Variants in FLACC1 observed in about 807,000 individuals in gnomAD.
FLACC1 encodes the protein flagellum-associated coiled-coil domain-containing protein 1.
Under a neutral mutation model 62.8 loss-of-function variants are expected in FLACC1, and 66 were observed. The ratio of observed to expected loss-of-function variants is 1.05; its 90% CI spans 0.86 to 1.29. The LOEUF is 1.29. Among genes scored for constraint, FLACC1 ranks in the 50% most tolerant of loss-of-function variants. The probability of loss-of-function intolerance (pLI) is 0.00; values close to 1 mark genes in which losing one functional copy is unlikely to be tolerated. For missense variants in FLACC1, 452 were observed against 489.1 expected, an observed-to-expected ratio of 0.92 and a Z score of 0.71; for synonymous variants, 156 against 161.0, an observed-to-expected ratio of 0.97 and a Z score of 0.24.
chr2:201,344,393 C>A, intron 5 of FLACC1, 130 bp from the exon 6 acceptor site: 19 of 621,486 alleles, frequency 3.1e-5, no homozygotes, highest in East Asian at 6.6e-5. Flanking sequence ...TGCACCTGCT[C>A]TATCATTATG....
upstream of FLACC1, among the ~76,000 whole-genome samples, chr2:201,357,814 TA>T (rs983160269): frequency 6.8e-5 from 10 of 146,910 alleles, no homozygotes; most frequent in Non-Finnish European, 1.2e-4. Context: ...TTTTTTTTTT[TA>T]AATAAAGCTG....
intron 9 of FLACC1, among the ~76,000 whole-genome samples, chr2:201,323,742 G>T (rs1419424233): frequency 1.6e-5 from 2 of 125,044 alleles, no homozygotes; most frequent in African/African-American, 6.0e-5. Context: ...AGCCAAGATT[G>T]CAACATTGCA....
chr2:201,328,462 G>C (rs1375478754), intron 9 of FLACC1, among the ~76,000 whole-genome samples: 1 of 151,934 alleles, frequency 6.6e-6, no homozygotes, highest in African/African-American at 2.4e-5. Context: ...GTCTTGCTCT[G>C]TTGCCCAGGC....
Position 201,350,857 on chromosome 2 carries a change from G to C in FLACC1, c.114-75C>G, listed in dbSNP as rs1951014597. 5.3e-6 allele frequency: 7 copies of C among 1,333,090 alleles called. No individual in the cohort carries two copies. The South Asian group carries it at 8.5e-5, about 16-fold the overall frequency. The allele number at this position is 1,333,090 out of a possible 1,614,324, so 82.6% of individuals were successfully genotyped here. A position where few individuals can be genotyped will look rare whatever the true frequency, so the allele number is the denominator to read the frequency against. On this transcript the variant is annotated intron_variant, in intron 2 of 14. Coordinates refer to ENST00000392257, the MANE Select transcript of FLACC1 (RefSeq NM_001127391.3). ...ACCCTTTTTAACACTCCCAGATTAAGTACATCCCTATAGTGACCCAAAATT... is the reference window on the plus strand; with the variant it reads ...ACCCTTTTTAACACTCCCAGATTAACTACATCCCTATAGTGACCCAAAATT...
intron 1 of FLACC1, 129 bp downstream of exon 1, chr2:201,356,852 TG>T (rs1951128132): frequency 6.6e-6 from 1 of 152,178 alleles, no homozygotes; most frequent in Non-Finnish European, 1.5e-5. Context: ...CACTTCTACC[TG>T]ATGATTTTAC....
At chr2:201,332,690 A>G (rs935431543) in intron 7 of FLACC1, among the ~76,000 whole-genome samples, 1 of 152,130 alleles carries the variant, frequency 6.6e-6, no homozygotes, top group African/African-American at 2.4e-5. Flanking sequence ...GAGATTTTGT[A>G]CCCTTTGACC....
At chr2:201,313,763 A>C (rs1344364217) in intron 9 of FLACC1, among the ~76,000 whole-genome samples, 3 of 152,122 alleles carry the variant, frequency 2.0e-5, no homozygotes, top group Non-Finnish European at 4.4e-5. Flanking sequence ...CCAGCACAAA[A>C]ATAGTGCATT....
chr2:201,289,604 C>G (rs762840366), intron 13 of FLACC1, 38 bp from the exon 14 acceptor site: 17 of 1,612,996 alleles, frequency 1.1e-5, no homozygotes, highest in Middle Eastern at 3.3e-4. Flanking sequence ...CTTCCCCAAC[C>G]CAGAGCCATC....
intron 3 of FLACC1, among the ~76,000 whole-genome samples, chr2:201,349,544 C>T (rs745652910): frequency 2.6e-5 from 4 of 152,150 alleles, no homozygotes; most frequent in Admixed American, 6.5e-5. Flanking sequence ...GTGTTTCTGG[C>T]TCTTTTCCCA....
At position 201,330,496 on chromosome 2, in the gene FLACC1, A is replaced by G; in HGVS notation, c.649T>C (p.Leu217=). The G allele has an allele frequency of 1.9e-6, 3 of 1,613,950 alleles. No individual in the cohort carries two copies. The highest frequency in any genetic ancestry group is 2.2e-5 in the East Asian group (1 of 44,876). Residue 217 remains leucine, a synonymous_variant, in exon 9 of 15, where the codon TTG becomes CTG. Coordinates refer to ENST00000392257, the MANE Select transcript of FLACC1 (RefSeq NM_001127391.3). ...LEEMGKEYKY[L]KNMFRTYQDS... is the part of the protein sequence containing the mutation. ...TGATACGTACGAAACATATTCTTCA[A>G]ATACTTGTATTCTTTTCCCATCTCC...
Position 201,346,927 on chromosome 2 carries a change from C to A in FLACC1, c.235-252G>T, listed in dbSNP as rs997439827. 6.6e-6 allele frequency among the ~76,000 whole-genome samples: 1 copy of A among 152,200 alleles called. No individual in the cohort carries two copies. The highest frequency in any genetic ancestry group is 1.5e-5 in the Non-Finnish European group (1 of 68,050). ...CCAAACCAAGCCACTGATGCCCCTGCCCCCGACTTGTGTTCACCCTCGTGG... is the reference window on the plus strand; with the variant it reads ...CCAAACCAAGCCACTGATGCCCCTGACCCCGACTTGTGTTCACCCTCGTGG... On this transcript the variant is annotated intron_variant, in intron 4 of 14. Transcript: ENST00000392257. The surrounding 1 kb of genome is among the most constrained non-coding windows in gnomAD (Gnocchi z 4.0).
At chr2:201,296,206 T>C (rs918670821) in intron 12 of FLACC1, among the ~76,000 whole-genome samples, 12 of 152,154 alleles carry the variant, frequency 7.9e-5, no homozygotes, top group African/African-American at 2.9e-4. Context: ...TAAAGACACA[T>C]GCACACGTAT....
intron 11 of FLACC1, among the ~76,000 whole-genome samples, chr2:201,302,767 A>G (rs1950013009): frequency 6.6e-6 from 1 of 152,258 alleles, no homozygotes; most frequent in Admixed American, 6.5e-5. Flanking sequence ...AGAACTCAGG[A>G]TTAAGAACTC....
chr2:201,361,114 A>C (rs1049482685), upstream of FLACC1, among the ~76,000 whole-genome samples: 12 of 152,012 alleles, frequency 7.9e-5, no homozygotes, highest in Non-Finnish European at 1.2e-4. Flanking sequence ...ACAAAAACAC[A>C]CGGGCCCTTG....
At chr2:201,302,453 G>A (rs904461387) in intron 11 of FLACC1, among the ~76,000 whole-genome samples, 1 of 152,144 alleles carries the variant, frequency 6.6e-6, no homozygotes, top group Non-Finnish European at 1.5e-5. Flanking sequence ...GACCTACAAA[G>A]AAACTTAGAT....
chr2:201,309,344 G>C, intron 9 of FLACC1, 94 bp from the exon 10 acceptor site: 1 of 910,344 alleles, frequency 1.1e-6, no homozygotes. Context: ...GACTCCTCTT[G>C]GCATTGCACA....
intron 3 of FLACC1, among the ~76,000 whole-genome samples, chr2:201,350,335 A>G (rs1950999936): frequency 6.6e-6 from 1 of 152,186 alleles, no homozygotes; most frequent in Non-Finnish European, 1.5e-5. Context: ...GAATGAGCCA[A>G]GATGGCACCA....
chr2:201,348,216 A>T, intron 4 of FLACC1, 38 bp downstream of exon 4: 1 of 1,599,394 alleles, frequency 6.3e-7, no homozygotes. Context: ...GGCACTCAAT[A>T]AATTTTAGTC....
chr2:201,340,980 C>T (rs1950796678), intron 7 of FLACC1, among the ~76,000 whole-genome samples: 1 of 152,160 alleles, frequency 6.6e-6, no homozygotes, highest in African/African-American at 2.4e-5. Context: ...TGTATTGGCA[C>T]TCCTTTGTAT....
Sources: gnomAD v4.1 joint callset for allele counts (sites outside exome capture counted in the v4.1 genomes callset) on GRCh38, gnomAD v4.1.1 for gene constraint, Gnocchi (gnomAD v3.1) non-coding constraint, MANE v1.5 for transcripts, NCBI Gene and HGNC (gene_info 2026-07-23, HGNC 2026-07-21) for gene names.